Variants in KLK14 observed in about 807,000 individuals in gnomAD.
The protein encoded by KLK14 is kallikrein related peptidase 14.
Under a neutral mutation model 24.6 loss-of-function variants are expected in KLK14, and 21 were observed. The ratio of observed to expected loss-of-function variants is 0.85; its 90% CI spans 0.61 to 1.23. KLK14 has a LOEUF of 1.23. KLK14 is among the 50% of genes most tolerant of loss of function. The pLI, the probability that KLK14 is intolerant of heterozygous loss-of-function variation, is 0.00. For synonymous variants in KLK14, 133 were observed against 139.7 expected, an observed-to-expected ratio of 0.95 and a Z score of 0.34; for missense variants, 320 against 338.9, an observed-to-expected ratio of 0.94 and a Z score of 0.44.
chr19:51,080,704 G>C (rs1054472811), intron 3 of KLK14, among the ~76,000 whole-genome samples: 1 of 152,048 alleles, frequency 6.6e-6, no homozygotes, highest in East Asian at 1.9e-4. Flanking sequence ...ATGGAGTTTC[G>C]CTCTTGTTGC....
intron 3 of KLK14, among the ~76,000 whole-genome samples, chr19:51,080,471 C>A (rs10445581): frequency 1.3e-5 from 2 of 151,990 alleles, no homozygotes; most frequent in African/African-American, 4.8e-5. Flanking sequence ...ATTCTAGAGT[C>A]TGGTTTGCAT....
At position 51,081,713 on chromosome 19, in the gene KLK14, G is replaced by T. The variant is rs753087647; in HGVS notation, c.41-10C>A. 1 of 1,521,506 alleles carries T rather than the reference G, an allele frequency of 6.6e-7. No homozygotes were observed. The highest frequency in any genetic ancestry group is 8.9e-7 in the Non-Finnish European group (1 of 1,127,698). The allele number at this position is 1,521,506 out of a possible 1,614,324, so 94.3% of individuals were successfully genotyped here. A position where few individuals can be genotyped will look rare whatever the true frequency, so the allele number is the denominator to read the frequency against. ...TGGCTCTGTGTCATGGCTAGGAGTG[G>T]ACAGGATTGGGTGGGGAAAGTAGAT... On this transcript the variant is annotated splice_polypyrimidine_tract_variant and intron_variant, in intron 2 of 5. Coordinates refer to ENST00000650543, the MANE Select transcript of KLK14 (RefSeq NM_001369775.2).
chr19:51,081,886 G>A (rs62114145), intron 2 of KLK14, among the ~76,000 whole-genome samples, 183 bp from the exon 3 acceptor site: 22,125 of 151,934 alleles, frequency 0.15, 1,794 homozygotes, highest in Middle Eastern at 0.32. Flanking sequence ...GCCCCAGCAC[G>A]GAGAGCTTTC....
At chr19:51,082,550 G>C (rs758446242) in intron 2 of KLK14, 25 bp downstream of exon 2, 17 of 1,611,892 alleles carry the variant, frequency 1.1e-5, no homozygotes, top group Non-Finnish European at 1.4e-5. Context: ...GGACCCCCTT[G>C]TGTCATACCC....
At position 51,077,917 on chromosome 19, in the gene KLK14, G is replaced by A. The variant is rs911064371; in HGVS notation, c.*90C>T. On this transcript the variant is annotated 3_prime_UTR_variant, in exon 6 of 6. Transcript: ENST00000650543. The stretch of plus-strand genomic sequence containing the variant: ...GGGGGCCTGGACTCCTGGGTCTGAG[G>A]GAGGAGGGGCTGGGGCCTGGACTCC... 1.7e-5 allele frequency: 26 copies of A among 1,504,286 alleles called. No homozygotes were observed. Among genetic ancestry groups the A allele is most frequent in the Non-Finnish European group, 2.3e-5 (25 of 1,107,944 alleles). The allele number at this position is 1,504,286 out of a possible 1,614,324, so 93.2% of individuals were successfully genotyped here. A position where few individuals can be genotyped will look rare whatever the true frequency, so the allele number is the denominator to read the frequency against.
rs1030653389 is a variant in KLK14 at position 51,078,387 on chromosome 19, T to C, written c.604-228A>G. On this transcript the variant is annotated intron_variant, in intron 5 of 5. Coordinates refer to ENST00000650543, the MANE Select transcript of KLK14 (RefSeq NM_001369775.2). This position sits in a 1 kb window ranked among gnomAD's most constrained non-coding sequence, Gnocchi z 5.0. ...TGTGTGCACCTGCCTGTCCCTTGAA[T>C]CTCACCAGGCCCCTCTCTGTTCGCT... is the stretch of plus-strand genomic sequence containing the variant. Among the ~76,000 whole-genome samples, 3 of 152,154 alleles carry C rather than the reference T, an allele frequency of 2.0e-5. No homozygotes were observed. The highest frequency in any genetic ancestry group is 1.5e-5 in the Non-Finnish European group (1 of 67,998).
At chr19:51,079,349 C>T (rs971231280) in intron 4 of KLK14, 100 bp downstream of exon 4, 1 of 1,271,996 alleles carries the variant, frequency 7.9e-7, no homozygotes, top group South Asian at 1.5e-5. Context: ...CCAGCCCCTC[C>T]TCCCTCAGAC....
chr19:51,082,498 G>T, intron 2 of KLK14, 77 bp downstream of exon 2: 1 of 1,421,458 alleles, frequency 7.0e-7, no homozygotes, highest in Non-Finnish European at 9.8e-7. Flanking sequence ...AGCATCCAGG[G>T]GCCCCAAGGA....
chr19:51,081,859 A>G (rs1441223618), intron 2 of KLK14, among the ~76,000 whole-genome samples, 156 bp from the exon 3 acceptor site: 1 of 151,952 alleles, frequency 6.6e-6, no homozygotes, highest in Non-Finnish European at 1.5e-5. Flanking sequence ...GACATGCCCA[A>G]TATTGACCCC....
At chr19:51,083,253 C>T (rs369879828), upstream of KLK14, among the ~76,000 whole-genome samples, 4 of 131,174 alleles carry the variant, frequency 3.0e-5, no homozygotes, top group East Asian at 9.0e-4. Flanking sequence ...AAGAGATGGA[C>T]TGAGAGAGGG....
downstream of KLK14, chr19:51,077,505 G>A (rs1599795164): frequency 1.2e-5 from 2 of 164,284 alleles, no homozygotes; most frequent in Non-Finnish European, 2.6e-5. Context: ...GGGAGAAAAC[G>A]CCTGAAGCAA....
chr19:51,082,755 C>T lies in KLK14; in HGVS notation c.-56G>A, dbSNP rs1214763052. Reference sequence around the variant, plus strand: ...CAAGACCCTCAGGGACATGAAGACACAGCAGAGAGGTAGGGACCAGAGACG... The same window carrying T: ...CAAGACCCTCAGGGACATGAAGACATAGCAGAGAGGTAGGGACCAGAGACG... On this transcript the variant is annotated 5_prime_UTR_variant, in exon 1 of 6. It adds an upstream start codon to the 5' untranslated region. Coordinates refer to ENST00000650543, the MANE Select transcript of KLK14 (RefSeq NM_001369775.2). 4 of 1,613,498 alleles carry T rather than the reference C, an allele frequency of 2.5e-6. No homozygotes were observed. Among genetic ancestry groups the T allele is most frequent in the Middle Eastern group, 1.7e-4 (1 of 5,886 alleles).
At chr19:51,083,486 G>A (rs1245363345), upstream of KLK14, among the ~76,000 whole-genome samples, 1 of 151,814 alleles carries the variant, frequency 6.6e-6, no homozygotes, top group Non-Finnish European at 1.5e-5. Flanking sequence ...GTGACAGAGA[G>A]GGGGAGAGCA....
chr19:51,082,377 C>T (rs569924591), intron 2 of KLK14, among the ~76,000 whole-genome samples, 198 bp downstream of exon 2: 1 of 152,244 alleles, frequency 6.6e-6, no homozygotes, highest in South Asian at 2.1e-4. Context: ...CACCTCTCTC[C>T]CCGGCCCCAC....
At position 51,078,992 on chromosome 19, in the gene KLK14, A is replaced by G. The variant is rs758118335; in HGVS notation, c.467-41T>C. The G allele has an allele frequency of 1.9e-6, 3 of 1,593,194 alleles. No individual in the cohort carries two copies. The highest frequency in any genetic ancestry group is 3.4e-5 in the Admixed American group (2 of 59,124). On this transcript the variant is annotated intron_variant, in intron 4 of 5. Coordinates refer to ENST00000650543, the MANE Select transcript of KLK14 (RefSeq NM_001369775.2). This position sits in a 1 kb window ranked among gnomAD's most constrained non-coding sequence, Gnocchi z 5.0. ...GGGTTATAACTGGGTCTACCCTCCC[A>G]TAAGACCCAAGGGTCCAGGCCCCCA...
At chr19:51,082,541 G>C (rs754042567) in intron 2 of KLK14, 34 bp downstream of exon 2, 2 of 1,606,332 alleles carry the variant, frequency 1.2e-6, no homozygotes, top group Admixed American at 1.7e-5. Context: ...GTCTCCAGGG[G>C]ACCCCCTTGT....
At chr19:51,080,558 T>C (rs140364243) in intron 3 of KLK14, among the ~76,000 whole-genome samples, 1,571 of 152,358 alleles carry the variant, frequency 0.01, 26 homozygotes, top group African/African-American at 0.035. Context: ...GGCATAGATA[T>C]GGCTTATAGG....
chr19:51,078,684 C>T lies in KLK14; in HGVS notation c.603+131G>A. 8.1e-7 allele frequency: 1 copy of T among 1,231,056 alleles called. No individual in the cohort carries two copies. Among genetic ancestry groups the T allele is most frequent in the Non-Finnish European group, 1.1e-6 (1 of 884,186 alleles). 76.3% of individuals were successfully genotyped at this position (1,231,056 alleles called of 1,614,324 possible). A position where few individuals can be genotyped will look rare whatever the true frequency, so the allele number is the denominator to read the frequency against. ...AGGGCTAGGAAGCAGGGTGGCCTGG[C>T]TATCGGAATCTCTCTGTGCCTGCGG... On this transcript the variant is annotated intron_variant, in intron 5 of 5. Coordinates refer to ENST00000650543, the MANE Select transcript of KLK14 (RefSeq NM_001369775.2). The surrounding 1 kb of genome is among the most constrained non-coding windows in gnomAD (Gnocchi z 5.0).
chr19:51,077,994 A>C lies in KLK14; in HGVS notation c.*13T>G, dbSNP rs543605418. 1.2e-6 allele frequency: 2 copies of C among 1,613,218 alleles called. No homozygotes were observed. The highest frequency in any genetic ancestry group is 1.1e-5 in the South Asian group (1 of 90,996). On this transcript the variant is annotated 3_prime_UTR_variant, in exon 6 of 6. Transcript: ENST00000650543. ...CTGGGCAGCTGACGAGGTCCATCCC[A>C]CCGTGAAGACCATCATTTGTCCCGC...
Sources: gnomAD v4.1 joint callset for allele counts (sites outside exome capture counted in the v4.1 genomes callset) on GRCh38, gnomAD v4.1.1 for gene constraint, Gnocchi (gnomAD v3.1) non-coding constraint, MANE v1.5 for transcripts, NCBI Gene and HGNC (gene_info 2026-07-23, HGNC 2026-07-21) for gene names.